MMP7: variants seen among roughly 807,000 people sequenced by gnomAD.
MMP7 encodes the protein matrilysin.
In MMP7, 26 loss-of-function variants were observed where a neutral mutation model predicts 31.5. That is an observed-to-expected ratio of 0.83 (90% confidence interval 0.61 to 1.15). MMP7 has a LOEUF of 1.15. Among genes scored for constraint, MMP7 ranks in the 50% most tolerant of loss-of-function variants. The pLI, the probability that MMP7 is intolerant of heterozygous loss-of-function variation, is 0.00. For missense variants in MMP7, 367 were observed against 326.5 expected, an observed-to-expected ratio of 1.12 and a Z score of -0.96; for synonymous variants, 142 against 124.2, an observed-to-expected ratio of 1.14 and a Z score of -0.95.
chr11:102,530,351 AC>A (rs1858721480), intron 1 of MMP7, among the ~76,000 whole-genome samples: 2 of 152,194 alleles, frequency 1.3e-5, no homozygotes, highest in Non-Finnish European at 2.9e-5. Flanking sequence ...AAGTTTGATG[AC>A]CTTCCTGAGT....
intron 3 of MMP7, 35 bp from the exon 4 acceptor site, chr11:102,525,099 G>C: frequency 6.4e-7 from 1 of 1,565,116 alleles, no homozygotes; most frequent in South Asian, 1.2e-5. Flanking sequence ...CTTAGTGACT[G>C]ATTTTTTTTT....
Sources: gnomAD v4.1 joint callset for allele counts (sites outside exome capture counted in the v4.1 genomes callset) on GRCh38, gnomAD v4.1.1 for gene constraint, MANE v1.5 for transcripts, NCBI Gene and HGNC (gene_info 2026-07-23, HGNC 2026-07-21) for gene names.